The following DPH5 variants were observed in gnomAD, a reference collection of about 807,000 sequenced individuals.
DPH5 encodes the protein diphthine methyl ester synthase.
A neutral mutation model predicts 31.6 loss-of-function variants in DPH5; 31 were observed. The ratio of observed to expected loss-of-function variants is 0.98; its 90% CI spans 0.74 to 1.32. The LOEUF (loss-of-function observed/expected upper bound fraction) is 1.32. Among genes scored for constraint, DPH5 ranks in the 40% most tolerant of loss-of-function variants. The pLI, the probability that DPH5 is intolerant of heterozygous loss-of-function variation, is 0.00. For missense variants in DPH5, 309 were observed against 335.7 expected, an observed-to-expected ratio of 0.92 and a Z score of 0.62; for synonymous variants, 120 against 115.0, an observed-to-expected ratio of 1.04 and a Z score of -0.28.
At chr1:101,011,232 T>TA (rs913131560) in intron 4 of DPH5, among the ~76,000 whole-genome samples, 7 of 139,706 alleles carry the variant, frequency 5.0e-5, no homozygotes, top group African/African-American at 1.1e-4. Context: ...CTTTTTATGT[T>TA]AAAAAACTGT....
chr1:101,007,993 T>C (rs1490052878), intron 4 of DPH5, among the ~76,000 whole-genome samples: 1 of 152,178 alleles, frequency 6.6e-6, no homozygotes, highest in East Asian at 1.9e-4. Context: ...AAAAACATGA[T>C]TTTAAAGTAT....
At chr1:100,992,018 A>G (rs180970974) in intron 7 of DPH5, among the ~76,000 whole-genome samples, 11 of 151,832 alleles carry the variant, frequency 7.2e-5, no homozygotes, top group Non-Finnish European at 1.5e-4. Flanking sequence ...GGATCACTTG[A>G]GCCCAGGAGG....
rs557775180 is a variant in DPH5 at position 100,995,916 on chromosome 1, T to G, written c.491-767A>C. The G allele has an allele frequency of 3.3e-5, 5 of 152,368 alleles. No individual in the cohort carries two copies. In the East Asian group the frequency reaches 9.6e-4, roughly 29 times the overall value. 9.4% of individuals were successfully genotyped at this position (152,368 alleles called of 1,614,324 possible). A position where few individuals can be genotyped will look rare whatever the true frequency, so the allele number is the denominator to read the frequency against. ...GAAAACAAATGGTTCAGCCAAAGTT[T>G]GTTTTTGCAAAAATAAACATAGTGC... On this transcript the variant is annotated intron_variant, in intron 5 of 7. Coordinates refer to ENST00000370109, the MANE Select transcript of DPH5 (RefSeq NM_015958.3).
chr1:101,024,157 C>T (rs749816531), intron 2 of DPH5, among the ~76,000 whole-genome samples: 74 of 152,080 alleles, frequency 4.9e-4, no homozygotes, highest in Non-Finnish European at 9.7e-4. Context: ...CTATACAATC[C>T]CAGCACTTTA....
rs533249859 is a variant in DPH5, at chr1:101,014,864, T to C, written c.261-1046A>G. On this transcript the variant is annotated intron_variant, in intron 3 of 7. Coordinates refer to ENST00000370109, the MANE Select transcript of DPH5 (RefSeq NM_015958.3). ...TTCATCAAGAATAGATTTCATCTCA[T>C]GAAACCACTTTCTTTGCCTGTCCAT... Among the ~76,000 whole-genome samples, 8 of 152,350 alleles carry C rather than the reference T, an allele frequency of 5.3e-5. No homozygotes were observed. In the East Asian group the frequency reaches 1.3e-3, roughly 26 times the overall value.
At chr1:101,016,489 G>C (rs1372876095) in intron 3 of DPH5, among the ~76,000 whole-genome samples, 4 of 146,772 alleles carry the variant, frequency 2.7e-5, no homozygotes, top group Admixed American at 6.9e-5. Flanking sequence ...ATATCACCCA[G>C]GCTGGAGTGC....
chr1:101,010,393 TAG>T (rs1490357282), intron 4 of DPH5, among the ~76,000 whole-genome samples: 2 of 152,164 alleles, frequency 1.3e-5, no homozygotes, highest in African/African-American at 4.8e-5. Flanking sequence ...GAAGGAGTGT[TAG>T]ATAGTTATAC....
chr1:101,016,136 C>T (rs1460772454), intron 3 of DPH5, among the ~76,000 whole-genome samples: 6 of 152,048 alleles, frequency 3.9e-5, no homozygotes, highest in South Asian at 4.2e-4. Context: ...AGACAGATCA[C>T]GAGGTCAGGA....
Position 100,990,188 on chromosome 1 carries a change from A to G in DPH5, c.*220T>C, listed in dbSNP as rs1657538688. The G allele has an allele frequency of 3.7e-6, 2 of 533,874 alleles. No individual in the cohort carries two copies. The highest frequency in any genetic ancestry group is 4.5e-5 in the South Asian group (2 of 44,592). The allele number at this position is 533,874 out of a possible 1,614,324, so 33.1% of individuals were successfully genotyped here. A position where few individuals can be genotyped will look rare whatever the true frequency, so the allele number is the denominator to read the frequency against. ...GGCAAGAGTGAGAATGAGAGCCAGT[A>G]GGGGAAATGCCAGGCACTTATAAAA... On this transcript the variant is annotated 3_prime_UTR_variant, in exon 8 of 8. Coordinates refer to ENST00000370109, the MANE Select transcript of DPH5 (RefSeq NM_015958.3).
intron 3 of DPH5, among the ~76,000 whole-genome samples, chr1:101,017,780 G>A (rs1660177715): frequency 6.6e-6 from 1 of 151,698 alleles, no homozygotes; most frequent in African/African-American, 2.4e-5. Flanking sequence ...AAATAAAACT[G>A]GTATGAAAAA....
At chr1:101,005,768 C>T (rs533072572) in intron 4 of DPH5, among the ~76,000 whole-genome samples, 1 of 152,224 alleles carries the variant, frequency 6.6e-6, no homozygotes, top group South Asian at 2.1e-4. Context: ...AATGCAATGG[C>T]AGATAGGAAA....
At chr1:100,997,784 T>C (rs1374484998) in intron 5 of DPH5, among the ~76,000 whole-genome samples, 1 of 152,214 alleles carries the variant, frequency 6.6e-6, no homozygotes, top group African/African-American at 2.4e-5. Flanking sequence ...TATTCTAGTA[T>C]CTGAGCTCCA....
At chr1:101,022,060 G>C (rs1455126745) in intron 2 of DPH5, among the ~76,000 whole-genome samples, 1 of 152,100 alleles carries the variant, frequency 6.6e-6, no homozygotes, top group South Asian at 2.1e-4. Flanking sequence ...GGTTCTAAAG[G>C]CCAAATAGAA....
chr1:100,992,944 C>T (rs1657915375), intron 6 of DPH5, among the ~76,000 whole-genome samples: 1 of 152,130 alleles, frequency 6.6e-6, no homozygotes, highest in African/African-American at 2.4e-5. Context: ...ATTTAACTTT[C>T]CTCTGATCTC....
Position 101,001,480 on chromosome 1 carries a change from T to A in DPH5, c.477A>T (p.Thr159=). ...VKKNRQNGMH[T]LCLLDIKVKE... The stretch of plus-strand genomic sequence containing the variant: ...CAAAACCCTTACCTAGTAAACATAA[T>A]GTGTGCATGCCATTTTGTCTGTTCT... The change falls in exon 5 of 8, where the codon ACA becomes ACT. Residue 159 remains threonine (T), a synonymous_variant. Transcript: ENST00000370109. 6.2e-7 allele frequency: 1 copy of A among 1,613,482 alleles called. No homozygotes were observed. The highest frequency in any genetic ancestry group is 8.5e-7 in the Non-Finnish European group (1 of 1,179,716).
chr1:101,017,111 A>G (rs1407979382), intron 3 of DPH5, among the ~76,000 whole-genome samples: 1 of 152,234 alleles, frequency 6.6e-6, no homozygotes, highest in Admixed American at 6.5e-5. Context: ...AATGTAACAC[A>G]GAGACAGGAA....
chr1:101,010,615 CTT>C lies in DPH5; in HGVS notation c.369+3093_369+3094del, dbSNP rs367760126. Among the ~76,000 whole-genome samples, 71 of 152,240 alleles carry C rather than the reference CTT, an allele frequency of 4.7e-4. No individual in the cohort carries two copies. In the East Asian group the frequency reaches 0.013, roughly 29 times the overall value. On this transcript the variant is annotated intron_variant, in intron 4 of 7. Transcript: ENST00000370109. ...AGGTTAGAAATTTCATACTGCTACTCTTTAATCTACTCTGTTCAATAACTTGA... is the reference window on the plus strand; with the variant it reads ...AGGTTAGAAATTTCATACTGCTACTCTAATCTACTCTGTTCAATAACTTGA...
intron 3 of DPH5, among the ~76,000 whole-genome samples, chr1:101,015,742 T>C (rs1018640545): frequency 2.0e-5 from 3 of 152,254 alleles, no homozygotes; most frequent in Non-Finnish European, 4.4e-5. Context: ...ATTCATCAGT[T>C]ACCTTAGCTA....
In DPH5 at chr1:100,990,168, G is replaced by A. The variant is rs1183949705; in HGVS notation, c.*240C>T. 9 of 503,294 alleles carry A rather than the reference G, an allele frequency of 1.8e-5. No homozygotes were observed. The highest frequency in any genetic ancestry group is 2.9e-5 in the Non-Finnish European group (8 of 280,062). 31.2% of individuals were successfully genotyped at this position (503,294 alleles called of 1,614,324 possible). On this transcript the variant is annotated 3_prime_UTR_variant, in exon 8 of 8. Transcript: ENST00000370109. ...AAGGCACCTCTTCACAGGGCGGCAA[G>A]AGTGAGAATGAGAGCCAGTAGGGGA...
Sources: allele counts gnomAD v4.1 joint callset (sites outside exome capture counted in the v4.1 genomes callset), GRCh38; gene constraint gnomAD v4.1.1; transcripts MANE v1.5; gene names NCBI Gene and HGNC (gene_info 2026-07-23, HGNC 2026-07-21).